The following KHDRBS2 variants were observed in gnomAD, a reference collection of about 807,000 sequenced individuals.
The protein encoded by KHDRBS2 is KH RNA binding domain containing, signal transduction associated 2, also known as KH domain-containing, RNA-binding, signal transduction-associated protein 2.
KHDRBS2 carries 26 observed loss-of-function variants against 44.3 expected under a neutral mutation model. The ratio of observed to expected loss-of-function variants is 0.59; its 90% CI spans 0.43 to 0.81. The LOEUF (loss-of-function observed/expected upper bound fraction) is 0.81, where lower values mean the gene tolerates loss of function less well. Ranked by LOEUF, KHDRBS2 falls within the 40% of genes least tolerant of loss-of-function variation. The probability of loss-of-function intolerance (pLI) is 0.00; values close to 1 mark genes in which losing one functional copy is unlikely to be tolerated. For missense variants in KHDRBS2, 476 were observed against 433.1 expected, an observed-to-expected ratio of 1.10 and a Z score of -0.88; for synonymous variants, 194 against 151.1, an observed-to-expected ratio of 1.28 and a Z score of -2.08.
intron 1 of KHDRBS2, among the ~76,000 whole-genome samples, chr6:62,278,910 C>G (rs879360503): frequency 6.6e-6 from 1 of 151,804 alleles, no homozygotes; most frequent in East Asian, 1.9e-4. Context: ...CTGGTTAACA[C>G]GGTGAAACCC....
chr6:61,709,029 C>T (rs1433152176), intron 7 of KHDRBS2, among the ~76,000 whole-genome samples: 2 of 151,608 alleles, frequency 1.3e-5, no homozygotes, highest in Non-Finnish European at 3.0e-5. Context: ...TTAATATGGG[C>T]AATAGTGATG....
intron 3 of KHDRBS2, among the ~76,000 whole-genome samples, chr6:62,010,130 G>A (rs1010825363): frequency 2.0e-5 from 3 of 152,172 alleles, no homozygotes; most frequent in East Asian, 1.9e-4. Context: ...CCACAAGGAC[G>A]GAGCTGACCA....
Position 62,042,781 on chromosome 6 carries a change from A to G in KHDRBS2, c.336+5097T>C, listed in dbSNP as rs576673476. Among the ~76,000 whole-genome samples the G allele has an allele frequency of 1.6e-4, 25 of 152,262 alleles. No homozygotes were observed. In the East Asian group the frequency reaches 4.5e-3, roughly 27 times the overall value. On this transcript the variant is annotated intron_variant, in intron 3 of 8. Coordinates refer to ENST00000281156, the MANE Select transcript of KHDRBS2 (RefSeq NM_152688.4). ...AAGTAGTCATCACCAAATGCAGAAGAAATATTCTAGAATAGAAACTGCACA... is the reference window on the plus strand; with the variant it reads ...AAGTAGTCATCACCAAATGCAGAAGGAATATTCTAGAATAGAAACTGCACA...
chr6:61,924,838 T>C (rs1026563980), intron 4 of KHDRBS2, among the ~76,000 whole-genome samples: 3 of 152,132 alleles, frequency 2.0e-5, no homozygotes, highest in Non-Finnish European at 4.4e-5. Flanking sequence ...TGGATTATTA[T>C]TGCTAGTAGT....
intron 2 of KHDRBS2, among the ~76,000 whole-genome samples, chr6:62,157,260 T>C (rs1584988870): frequency 1.3e-5 from 2 of 151,108 alleles, no homozygotes; most frequent in East Asian, 4.0e-4. Context: ...GAGGGGGAGG[T>C]TGCAGTCAGT....
the KHDRBS2 span, among the ~76,000 whole-genome samples, chr6:61,649,672 T>G: frequency 2.0e-5 from 3 of 152,264 alleles, no homozygotes; most frequent in South Asian, 6.2e-4. Flanking sequence ...AACTTAAGGA[T>G]CATACATAAT....
At chr6:62,206,111 G>T (rs1827919214) in intron 1 of KHDRBS2, among the ~76,000 whole-genome samples, 1 of 152,092 alleles carries the variant, frequency 6.6e-6, no homozygotes, top group Non-Finnish European at 1.5e-5. Flanking sequence ...AATACTTGTT[G>T]GAGACTGAAG....
intron 8 of KHDRBS2, among the ~76,000 whole-genome samples, chr6:61,693,364 C>T (rs376125223): frequency 3.4e-4 from 51 of 152,182 alleles, no homozygotes; most frequent in African/African-American, 1.2e-3. Context: ...AATTGGGCTG[C>T]AAGGTTATGG....
chr6:61,975,913 G>T lies in KHDRBS2; in HGVS notation c.483+2153C>A, dbSNP rs187070655. The stretch of plus-strand genomic sequence containing the variant: ...TTTAAGCTGACAGCTGGATGCTAAG[G>T]AAACAGCCATGTCAACACTTTGGAG... On this transcript the variant is annotated intron_variant, in intron 4 of 8. Coordinates refer to ENST00000281156, the MANE Select transcript of KHDRBS2 (RefSeq NM_152688.4). Among the ~76,000 whole-genome samples, 292 of 152,212 alleles carry T rather than the reference G, an allele frequency of 1.9e-3. 2 individuals are homozygous for T. The highest frequency in any genetic ancestry group is 6.9e-3 in the African/African-American group (286 of 41,542).
chr6:62,165,431 T>C (rs1209055486), intron 2 of KHDRBS2, among the ~76,000 whole-genome samples: 2 of 151,486 alleles, frequency 1.3e-5, no homozygotes, highest in Middle Eastern at 3.4e-3. Flanking sequence ...TGTTAATATA[T>C]ACTAATTACA....
chr6:62,186,464 T>C (rs972962780), intron 1 of KHDRBS2, among the ~76,000 whole-genome samples: 4 of 152,074 alleles, frequency 2.6e-5, no homozygotes, highest in South Asian at 2.1e-4. Flanking sequence ...TTTCACAAGC[T>C]TACATCTTGT....
intron 1 of KHDRBS2, among the ~76,000 whole-genome samples, chr6:62,282,382 C>T (rs181370294): frequency 5.9e-5 from 9 of 152,156 alleles, no homozygotes; most frequent in Admixed American, 3.3e-4. Context: ...TATTTGACAT[C>T]GTCATATAAT....
intron 6 of KHDRBS2, among the ~76,000 whole-genome samples, chr6:61,848,509 A>G (rs186053600): frequency 0.036 from 1,841 of 50,782 alleles, 260 homozygotes; most frequent in African/African-American, 0.17. Context: ...ATATATATAT[A>G]TGTATATATG....
At position 62,206,764 on chromosome 6, in the gene KHDRBS2, G is replaced by A. The variant is rs375448692; in HGVS notation, c.92-29452C>T. On this transcript the variant is annotated intron_variant, in intron 1 of 8. Transcript: ENST00000281156. ...TCCTTTATAAGTCACGTATATGTGTGGCAATAATGACTCTTACGTGGACAG... is the reference window on the plus strand; with the variant it reads ...TCCTTTATAAGTCACGTATATGTGTAGCAATAATGACTCTTACGTGGACAG... Among the ~76,000 whole-genome samples the A allele has an allele frequency of 1.7e-3, 261 of 152,112 alleles. 7 individuals are homozygous for A. In the South Asian group the frequency reaches 0.051, roughly 30 times the overall value.
chr6:62,282,456 C>T (rs908710478), intron 1 of KHDRBS2, among the ~76,000 whole-genome samples: 3 of 152,004 alleles, frequency 2.0e-5, no homozygotes, highest in Non-Finnish European at 2.9e-5. Flanking sequence ...GAAAATCTTC[C>T]CCAAACCTCT....
intron 2 of KHDRBS2, among the ~76,000 whole-genome samples, chr6:62,104,464 T>C (rs542076028): frequency 7.9e-5 from 12 of 152,322 alleles, no homozygotes; most frequent in Admixed American, 4.6e-4. Context: ...ATTACCATAA[T>C]GGAATAAAAT....
At chr6:61,615,055 G>GA in the KHDRBS2 span, among the ~76,000 whole-genome samples, 2 of 151,564 alleles carry the variant, frequency 1.3e-5, no homozygotes, top group Non-Finnish European at 2.9e-5. Flanking sequence ...CCAACAGGTT[G>GA]AAACCCCTTT....
intron 4 of KHDRBS2, among the ~76,000 whole-genome samples, chr6:61,932,023 A>G (rs12191292): frequency 0.027 from 4,104 of 152,306 alleles, 69 homozygotes; most frequent in Non-Finnish European, 0.041. Context: ...TAAGAATACA[A>G]TATATAATAT....
chr6:61,863,261 T>A (rs1249358972), intron 6 of KHDRBS2, among the ~76,000 whole-genome samples: 1 of 139,162 alleles, frequency 7.2e-6, no homozygotes, highest in Admixed American at 6.9e-5. Flanking sequence ...TTGAAGGGGT[T>A]TTTTTTTTTT....
Sources: gnomAD v4.1 joint callset for allele counts (sites outside exome capture counted in the v4.1 genomes callset) on GRCh38, gnomAD v4.1.1 for gene constraint, MANE v1.5 for transcripts, NCBI Gene and HGNC (gene_info 2026-07-23, HGNC 2026-07-21) for gene names.